The following RBFOX2 variants were observed in gnomAD, a reference collection of about 807,000 sequenced individuals.
RBFOX2 encodes the protein RNA binding fox-1 homolog 2.
A neutral mutation model predicts 49.1 loss-of-function variants in RBFOX2; 10 were observed. The ratio of observed to expected loss-of-function variants is 0.20; its 90% CI spans 0.13 to 0.35. RBFOX2 has a LOEUF of 0.35. Among genes scored for constraint, RBFOX2 ranks in the 10% least tolerant of loss-of-function variants. The probability of loss-of-function intolerance (pLI) is 1.00; values close to 1 mark genes in which losing one functional copy is unlikely to be tolerated. For missense variants in RBFOX2, 323 were observed against 486.9 expected (o/e 0.66, Z 3.17); for synonymous variants, 183 against 187.4 (o/e 0.98, Z 0.19).
intron 3 of RBFOX2, among the ~76,000 whole-genome samples, chr22:35,779,125 C>T (rs916538401): frequency 2.0e-5 from 3 of 152,156 alleles, no homozygotes; most frequent in African/African-American, 7.2e-5. Context: ...CTAAACTCTA[C>T]TGTTAGGTAG....
chr22:35,774,242 C>G (rs1199882689), intron 4 of RBFOX2, among the ~76,000 whole-genome samples: 1 of 151,856 alleles, frequency 6.6e-6, no homozygotes, highest in Non-Finnish European at 1.5e-5. Flanking sequence ...TTGAGGCTAG[C>G]CTGGATAAGC....
intron 1 of RBFOX2, chr22:35,897,848 C>G (rs1427162733): frequency 4.1e-6 from 3 of 739,638 alleles, no homozygotes; most frequent in East Asian, 5.0e-5. Context: ...TTCTCTCCAA[C>G]AGCCTTCTTT....
chr22:35,899,857 G>GA (rs1306345741), intron 1 of RBFOX2, among the ~76,000 whole-genome samples: 1 of 152,190 alleles, frequency 6.6e-6, no homozygotes, highest in Non-Finnish European at 1.5e-5. Flanking sequence ...TCAGAGGAGA[G>GA]AATGTGTCCA....
chr22:35,764,409 C>A (rs565497117), intron 6 of RBFOX2, among the ~76,000 whole-genome samples: 1 of 151,964 alleles, frequency 6.6e-6, no homozygotes, highest in East Asian at 1.9e-4. Flanking sequence ...ACGGTGAAAC[C>A]CCATCTCTAC....
intron 1 of RBFOX2, among the ~76,000 whole-genome samples, chr22:35,949,359 A>G (rs1485347367): frequency 6.6e-6 from 1 of 152,210 alleles, no homozygotes; most frequent in East Asian, 1.9e-4. Context: ...GTGTACAGAT[A>G]TCTATTCAAG....
chr22:35,817,160 A>T (rs986752135), intron 1 of RBFOX2, among the ~76,000 whole-genome samples: 4 of 152,130 alleles, frequency 2.6e-5, no homozygotes, highest in African/African-American at 9.7e-5. Flanking sequence ...CACCTTTAGA[A>T]GAACAGAGTC....
intron 1 of RBFOX2, among the ~76,000 whole-genome samples, chr22:35,908,046 TC>T (rs140949914): frequency 0.027 from 4,059 of 152,280 alleles, 64 homozygotes; most frequent in Middle Eastern, 0.095. Context: ...TCTTGAAATG[TC>T]TATTTCAAAT....
exon 12 of RBFOX2, chr22:35,740,760 T>A (rs143151515): frequency 2.0e-5 from 3 of 152,500 alleles, no homozygotes; most frequent in African/African-American, 7.2e-5. Context: ...CCTTCTTGCA[T>A]ATCCTTGGGG....
chr22:35,970,583 C>T (rs1253428281), intron 1 of RBFOX2, among the ~76,000 whole-genome samples: 7 of 151,948 alleles, frequency 4.6e-5, no homozygotes, highest in South Asian at 2.1e-4. Context: ...ATTGCTTGAG[C>T]CCAGGAGCTC....
intron 4 of RBFOX2, among the ~76,000 whole-genome samples, chr22:35,773,049 A>G (rs1602489590): frequency 7.3e-6 from 1 of 137,858 alleles, no homozygotes; most frequent in African/African-American, 3.0e-5. Flanking sequence ...GTAACAAAAG[A>G]AAAAAAAAAA....
intron 1 of RBFOX2, among the ~76,000 whole-genome samples, chr22:35,911,744 T>C (rs1349494361): frequency 6.6e-6 from 1 of 152,166 alleles, no homozygotes. Context: ...TTAGAAGGTA[T>C]AAGTACCTTA....
intron 1 of RBFOX2, among the ~76,000 whole-genome samples, chr22:35,849,215 T>C (rs186339732): frequency 6.6e-6 from 1 of 152,054 alleles, no homozygotes; most frequent in African/African-American, 2.4e-5. Context: ...CTAAAGTTTA[T>C]CATAATATGA....
chr22:35,858,973 T>G (rs2042831559), intron 1 of RBFOX2, among the ~76,000 whole-genome samples: 1 of 152,194 alleles, frequency 6.6e-6, no homozygotes, highest in Non-Finnish European at 1.5e-5. Context: ...ATCCCTAATT[T>G]GTTAGTCAGT....
At chr22:35,897,135 C>T (rs534559743) in intron 1 of RBFOX2, 18 of 503,378 alleles carry the variant, frequency 3.6e-5, no homozygotes, top group Admixed American at 7.0e-5. Flanking sequence ...TCTTTTTAAC[C>T]TCAAATGTTT....
intron 11 of RBFOX2, 140 bp from the exon 14 acceptor site, chr22:35,744,389 T>C (rs1931508532): frequency 1.3e-6 from 1 of 761,262 alleles, no homozygotes; most frequent in South Asian, 2.7e-5. Flanking sequence ...CCTTGTGCAG[T>C]GAAGTCAGGA....
intron 1 of RBFOX2, among the ~76,000 whole-genome samples, chr22:35,819,837 G>A (rs1451923528): frequency 6.6e-6 from 1 of 152,180 alleles, no homozygotes; most frequent in Non-Finnish European, 1.5e-5. Flanking sequence ...CGGGGTATTG[G>A]GCTGGAGAGA....
intron 1 of RBFOX2, among the ~76,000 whole-genome samples, chr22:35,893,169 T>A (rs762474411): frequency 6.6e-6 from 1 of 152,196 alleles, no homozygotes; most frequent in Admixed American, 6.5e-5. Context: ...GTAAACAAAT[T>A]AGGGTGCACA....
intron 2 of RBFOX2, among the ~76,000 whole-genome samples, chr22:35,789,370 C>T (rs1369045206): frequency 6.6e-6 from 1 of 152,004 alleles, no homozygotes; most frequent in African/African-American, 2.4e-5. Flanking sequence ...TGGTGAAACC[C>T]TGTTTCTACT....
At chr22:35,899,075 G>T (rs1267851806) in intron 1 of RBFOX2, among the ~76,000 whole-genome samples, 1 of 151,734 alleles carries the variant, frequency 6.6e-6, no homozygotes, top group Non-Finnish European at 1.5e-5. Flanking sequence ...CCGAGGTCTA[G>T]CCATTGCACT....
Sources: gnomAD v4.1 joint callset for allele counts (sites outside exome capture counted in the v4.1 genomes callset) on GRCh38, gnomAD v4.1.1 for gene constraint, MANE v1.5 for transcripts, NCBI Gene and HGNC (gene_info 2026-07-23, HGNC 2026-07-21) for gene names.